HIVEP1: variants seen among roughly 807,000 people sequenced by gnomAD.
The protein encoded by HIVEP1 is HIVEP zinc finger 1, also known as zinc finger protein 40.
HIVEP1 carries 36 observed loss-of-function variants against 180.0 expected under a neutral mutation model. The ratio of observed to expected loss-of-function variants is 0.20; its 90% CI spans 0.15 to 0.26. HIVEP1 has a LOEUF of 0.26. HIVEP1 is among the 10% of genes least tolerant of loss of function. The pLI, the probability that HIVEP1 is intolerant of heterozygous loss-of-function variation, is 1.00. For synonymous variants in HIVEP1, 1,239 were observed against 1,239.0 expected (o/e 1.00, Z 0.00); for missense variants, 3,143 against 3,268.7 (o/e 0.96, Z 0.94).
downstream of HIVEP1, among the ~76,000 whole-genome samples, chr6:12,169,268 T>C (rs1203095313): frequency 2.6e-5 from 4 of 152,220 alleles, no homozygotes; most frequent in Non-Finnish European, 4.4e-5. Context: ...AGAACATCTG[T>C]AATCTGAAAG....
chr6:12,125,887 T>C lies in HIVEP1; in HGVS notation c.6075+17T>C, dbSNP rs1758039247. Reference sequence around the variant, plus strand: ...TTAAGCAAGGTACTTGAAATATAATTTATCTTCAGATATGGTTTGCGCAAA... The same window carrying C: ...TTAAGCAAGGTACTTGAAATATAATCTATCTTCAGATATGGTTTGCGCAAA... On this transcript the variant is annotated intron_variant, in intron 4 of 8. Transcript: ENST00000379388. 1 of 1,493,028 alleles carries C rather than the reference T, an allele frequency of 6.7e-7. No homozygotes were observed. The highest frequency in any genetic ancestry group is 1.4e-5 in the African/African-American group (1 of 71,770). The allele number at this position is 1,493,028 out of a possible 1,614,324, so 92.5% of individuals were successfully genotyped here.
chr6:12,182,549 T>C, the HIVEP1 span, among the ~76,000 whole-genome samples: 1 of 152,142 alleles, frequency 6.6e-6, no homozygotes, highest in Non-Finnish European at 1.5e-5. Flanking sequence ...GGTTTTCAGT[T>C]TAGTTCAGGG....
chr6:12,020,661 A>G (rs1384530586), intron 2 of HIVEP1, among the ~76,000 whole-genome samples: 1 of 152,096 alleles, frequency 6.6e-6, no homozygotes, highest in Non-Finnish European at 1.5e-5. Flanking sequence ...AAAGGAAAAG[A>G]GGTGTTACTT....
At chr6:12,034,673 A>G (rs1179855211) in intron 2 of HIVEP1, among the ~76,000 whole-genome samples, 1 of 152,224 alleles carries the variant, frequency 6.6e-6, no homozygotes, top group African/African-American at 2.4e-5. Flanking sequence ...AATTCTCTTT[A>G]CTTTCTGTGC....
intron 5 of HIVEP1, 127 bp from the exon 6 acceptor site, chr6:12,130,640 A>G: frequency 1.9e-6 from 1 of 536,116 alleles, no homozygotes; most frequent in Non-Finnish European, 3.3e-6. Flanking sequence ...TTACACATGC[A>G]TAAAATTGTT....
At position 12,124,483 on chromosome 6, in the gene HIVEP1, A is replaced by T. The variant is rs1410516136; in HGVS notation, c.4688A>T (p.His1563Leu). 6.2e-7 allele frequency: 1 copy of T among 1,614,020 alleles called. No individual in the cohort carries two copies. The highest frequency in any genetic ancestry group is 1.3e-5 in the African/African-American group (1 of 74,888). ...TGCTTTGCTCCCAAATACCAATTGC[A>T]TTGTCAGGTTTTCACTTCAGGCCCA... Reference protein sequence around the residue: ...EDCFAPKYQLHCQVFTSGPSC... With the variant: ...EDCFAPKYQLLCQVFTSGPSC... The change falls in exon 4 of 9, where the codon CAT becomes CTT. Residue 1563 changes from histidine to leucine, a missense_variant. His to Leu is a moderately conservative substitution (Grantham distance 99). This residue lies in a region of HIVEP1 where 1,357 missense variants were observed against 1,260.5 expected (regional missense o/e 1.08). Coordinates refer to ENST00000379388, the MANE Select transcript of HIVEP1 (RefSeq NM_002114.4).
chr6:12,198,076 A>T, the HIVEP1 span, among the ~76,000 whole-genome samples: 96 of 152,198 alleles, frequency 6.3e-4, no homozygotes, highest in Admixed American at 4.6e-4. Context: ...GGAAATGTTG[A>T]GTTTGAGATG....
intron 6 of HIVEP1, among the ~76,000 whole-genome samples, chr6:12,132,516 A>G (rs1227813454): frequency 6.6e-6 from 1 of 152,200 alleles, no homozygotes; most frequent in Non-Finnish European, 1.5e-5. Context: ...AACCAAATGA[A>G]ACTACAGAGA....
chr6:12,120,461 A>C lies in HIVEP1; in HGVS notation c.666A>C (p.Glu222Asp). 1 of 1,614,182 alleles carries C rather than the reference A, an allele frequency of 6.2e-7. No homozygotes were observed. The highest frequency in any genetic ancestry group is 8.5e-7 in the Non-Finnish European group (1 of 1,180,028). Reference protein sequence around the residue: ...QKGSPCAIKTEKLRPNKTARS... With the variant: ...QKGSPCAIKTDKLRPNKTARS... ...GCTCACCTTGTGCAATTAAGACAGAAAAACTGAGGCCAAATAAAACTGCAC... is the reference window on the plus strand; with the variant it reads ...GCTCACCTTGTGCAATTAAGACAGACAAACTGAGGCCAAATAAAACTGCAC... The change falls in exon 4 of 9, where the codon GAA (glutamate) becomes GAC (aspartate). Residue 222 changes from glutamate (E) to aspartate (D), a missense_variant. Physicochemically the swap from Glu to Asp is conservative, Grantham distance 45 (BLOSUM62 2). Around this residue, in one of 12 missense-constraint regions of HIVEP1, gnomAD observed 306 missense variants for 310.6 expected, o/e 0.99. Transcript: ENST00000379388.
At chr6:12,031,913 C>T (rs1362340525) in intron 2 of HIVEP1, among the ~76,000 whole-genome samples, 1 of 152,162 alleles carries the variant, frequency 6.6e-6, no homozygotes. Context: ...ATGCTGTCCT[C>T]CTGCAGCAGG....
chr6:12,133,778 A>C (rs1758557650), intron 6 of HIVEP1, among the ~76,000 whole-genome samples: 1 of 152,248 alleles, frequency 6.6e-6, no homozygotes, highest in Middle Eastern at 3.4e-3. Flanking sequence ...AGGTCAGGAG[A>C]TTGAGCCTGG....
In HIVEP1 at chr6:12,164,342, ACT is replaced by A; in HGVS notation, c.8046_8047del (p.Pro2683ArgfsTer26). 3.1e-6 allele frequency: 5 copies of A among 1,613,780 alleles called. No individual in the cohort carries two copies. The highest frequency in any genetic ancestry group is 4.2e-6 in the Non-Finnish European group (5 of 1,179,960). ...EVFTKPSGQQ[T>X]LSPDRQVPRP... ...TTTTACAAAGCCCTCAGGCCAGCAG[ACT>A]CTCTCTCCAGACAGACAGGTTCCCA... On this transcript the variant is annotated frameshift_variant, in exon 9 of 9. Transcript: ENST00000379388. LOFTEE classifies it low-confidence loss of function (END_TRUNC).
chr6:12,171,465 C>A, the HIVEP1 span, among the ~76,000 whole-genome samples: 4 of 152,130 alleles, frequency 2.6e-5, no homozygotes, highest in Middle Eastern at 3.2e-3. Context: ...AAGATACAGA[C>A]AAAAGAGCAC....
the HIVEP1 span, among the ~76,000 whole-genome samples, chr6:12,211,721 A>G: frequency 1.3e-5 from 2 of 152,046 alleles, no homozygotes; most frequent in Admixed American, 1.3e-4. Context: ...CTCCCCAAGG[A>G]AAAAAAATTA....
upstream of HIVEP1, among the ~76,000 whole-genome samples, chr6:12,009,120 TGGCGGCGGCGGC>T (rs950139776): frequency 4.8e-5 from 7 of 146,058 alleles, no homozygotes; most frequent in Admixed American, 2.7e-4. Flanking sequence ...CGCGTGGCGG[TGGCGGCGGCGGC>T]GGCGGCGGCG....
intron 7 of HIVEP1, among the ~76,000 whole-genome samples, chr6:12,143,826 C>T (rs530242839): frequency 2.0e-5 from 3 of 152,256 alleles, no homozygotes; most frequent in Admixed American, 6.5e-5. Flanking sequence ...ATCCAACTTA[C>T]AAGGGATGTG....
Position 12,121,010 on chromosome 6 carries a change from A to G in HIVEP1, c.1215A>G (p.Lys405=). 6.2e-7 allele frequency: 1 copy of G among 1,614,184 alleles called. No homozygotes were observed. Among genetic ancestry groups the G allele is most frequent in the Non-Finnish European group, 8.5e-7 (1 of 1,180,020 alleles). ...ATCAGAAGCCAAAAAAACAAGGAAA[A>G]TATATTTGTGAGTATTGCAATAGAG... ...LKDQKPKKQG[K]YICEYCNRAC... is the part of the protein sequence containing the mutation. Residue 405 remains lysine, a synonymous_variant, in exon 4 of 9, where the codon AAA becomes AAG. Coordinates refer to ENST00000379388, the MANE Select transcript of HIVEP1 (RefSeq NM_002114.4). The surrounding 1 kb of genome is among the most constrained non-coding windows in gnomAD (Gnocchi z 5.3).
At chr6:12,040,051 G>A (rs925247938) in intron 2 of HIVEP1, among the ~76,000 whole-genome samples, 8 of 151,664 alleles carry the variant, frequency 5.3e-5, no homozygotes, top group African/African-American at 2.0e-4. Context: ...AACAGATGAA[G>A]GTTTTCTATA....
intron 1 of HIVEP1, among the ~76,000 whole-genome samples, chr6:12,013,434 C>T (rs1767522285): frequency 6.6e-6 from 1 of 152,122 alleles, no homozygotes; most frequent in Non-Finnish European, 1.5e-5. Context: ...TTGGAAATAC[C>T]CACTTCCCCC....
Sources: allele counts gnomAD v4.1 joint callset (sites outside exome capture counted in the v4.1 genomes callset), GRCh38; gene constraint gnomAD v4.1.1; regional missense constraint gnomAD v4.1.1; non-coding constraint Gnocchi (gnomAD v3.1); transcripts MANE v1.5; gene names NCBI Gene and HGNC (gene_info 2026-07-23, HGNC 2026-07-21).